Variants in TLE3 observed in about 807,000 individuals in gnomAD.
TLE3 encodes transducin-like enhancer protein 3.
TLE3 carries 14 observed loss-of-function variants against 93.0 expected under a neutral mutation model. The ratio of observed to expected loss-of-function variants is 0.15; its 90% CI spans 0.10 to 0.24. The LOEUF (loss-of-function observed/expected upper bound fraction) is 0.24. Among genes scored for constraint, TLE3 ranks in the 10% least tolerant of loss-of-function variants. TLE3 has a pLI of 1.00. For missense variants in TLE3, 693 were observed against 1,046.6 expected (o/e 0.66, Z 4.66); for synonymous variants, 451 against 425.0 (o/e 1.06, Z -0.75).
chr15:70,096,685 T>A, intron 1 of TLE3, 90 bp downstream of exon 1: 1 of 1,569,222 alleles, frequency 6.4e-7, no homozygotes, highest in East Asian at 2.4e-5. Context: ...ACCATAAAGG[T>A]AGCAACAAGC....
Position 70,095,606 on chromosome 15 carries a change from T to C in TLE3, c.161A>G (p.Lys54Arg), listed in dbSNP as rs1052664727. Residue 54 changes from lysine (K) to arginine (R), a missense_variant, in exon 3 of 20, where the codon AAG becomes AGG. Transcript: ENST00000451782. ...KVEYDKLANEKTEMQRHYVMY... is the reference protein window; with the variant it reads ...KVEYDKLANERTEMQRHYVMY... The stretch of plus-strand genomic sequence containing the variant: ...CACATAATGGCGCTGCATCTCCGTC[T>C]TCTCGTTTGCCAGCTTGTCGTACTC... 1.3e-6 allele frequency: 2 copies of C among 1,551,594 alleles called. No homozygotes were observed. The highest frequency in any genetic ancestry group is 1.7e-6 in the Non-Finnish European group (2 of 1,146,920).
chr15:70,082,051 G>A (rs933994263), intron 4 of TLE3, among the ~76,000 whole-genome samples: 1 of 152,198 alleles, frequency 6.6e-6, no homozygotes, highest in Admixed American at 6.5e-5. Flanking sequence ...GGAAAGGCTG[G>A]GGTGGGAGGC....
intron 6 of TLE3, among the ~76,000 whole-genome samples, chr15:70,067,403 C>T (rs2056880132): frequency 1.3e-5 from 2 of 152,160 alleles, no homozygotes; most frequent in South Asian, 4.1e-4. Flanking sequence ...GGGGTTGTGG[C>T]CATTTAATAG....
intron 2 of TLE3, 197 bp from the exon 3 acceptor site, chr15:70,095,838 TC>T: frequency 1.5e-6 from 1 of 669,222 alleles, no homozygotes; most frequent in South Asian, 2.0e-5. Flanking sequence ...ATTCGAAACT[TC>T]CCGCGAGCCA....
rs570980600 is a variant in TLE3, at chr15:70,096,476, C to G, written c.25-215G>C. On this transcript the variant is annotated intron_variant, in intron 1 of 19. Coordinates refer to ENST00000451782, the MANE Select transcript of TLE3 (RefSeq NM_001105192.3). ...CTCCCATGCCTTTCACCAAGGGCCT[C>G]CCTCTCCCCAGTAAGGCGGGGGCGG... is the stretch of plus-strand genomic sequence containing the variant. 2.3e-5 allele frequency: 27 copies of G among 1,154,556 alleles called. No homozygotes were observed. The South Asian group carries it at 3.3e-4, about 14-fold the overall frequency. The allele number at this position is 1,154,556 out of a possible 1,614,324, so 71.5% of individuals were successfully genotyped here. A position where few individuals can be genotyped will look rare whatever the true frequency, so the allele number is the denominator to read the frequency against.
intron 14 of TLE3, chr15:70,055,853 C>T (rs1298367991): frequency 8.0e-6 from 2 of 251,226 alleles, no homozygotes; most frequent in Admixed American, 5.0e-5. Context: ...CTTTTAGTTT[C>T]CTAGCAACCC....
At chr15:70,091,917 C>T (rs1472550552) in intron 4 of TLE3, among the ~76,000 whole-genome samples, 3 of 152,176 alleles carry the variant, frequency 2.0e-5, no homozygotes, top group Non-Finnish European at 4.4e-5. Context: ...TGCCACACTT[C>T]CCAAGGTGCT....
intron 14 of TLE3, chr15:70,055,877 G>T (rs1180577160): frequency 5.7e-5 from 17 of 295,844 alleles, no homozygotes; most frequent in Non-Finnish European, 1.3e-5. Flanking sequence ...GAAGTGAAGG[G>T]CCGGGGAGAG....
At chr15:70,055,450 T>G in intron 14 of TLE3, 152 bp from the exon 15 acceptor site, 1 of 1,076,930 alleles carries the variant, frequency 9.3e-7, no homozygotes, top group Non-Finnish European at 1.3e-6. Flanking sequence ...TAACCCCATG[T>G]ACTGGGATGG....
intron 13 of TLE3, 125 bp from the exon 14 acceptor site, chr15:70,056,499 G>T: frequency 1.2e-6 from 1 of 827,114 alleles, no homozygotes; most frequent in Non-Finnish European, 1.9e-6. Flanking sequence ...CAAGAGACAA[G>T]CTGAGCAGAG....
intron 4 of TLE3, among the ~76,000 whole-genome samples, chr15:70,086,401 T>G (rs558183328): frequency 6.6e-6 from 1 of 152,202 alleles, no homozygotes; most frequent in Non-Finnish European, 1.5e-5. Context: ...AGGGAAAGAT[T>G]TGGGAAGTGG....
chr15:70,087,180 C>T (rs2058074822), intron 4 of TLE3, among the ~76,000 whole-genome samples: 1 of 152,108 alleles, frequency 6.6e-6, no homozygotes, highest in Non-Finnish European at 1.5e-5. Context: ...GGTTCAGGAC[C>T]CTTAGTGAAA....
In TLE3 at chr15:70,058,635, C is replaced by T. The variant is rs1162229622; in HGVS notation, c.918+28G>A. 1.3e-6 allele frequency: 2 copies of T among 1,558,732 alleles called. No homozygotes were observed. Among genetic ancestry groups the T allele is most frequent in the African/African-American group, 2.7e-5 (2 of 73,666 alleles). On this transcript the variant is annotated intron_variant, in intron 11 of 19. Coordinates refer to ENST00000451782, the MANE Select transcript of TLE3 (RefSeq NM_001105192.3). This position sits in a 1 kb window ranked among gnomAD's most constrained non-coding sequence, Gnocchi z 4.1. ...GCTCCAGTCCCTGCCGCTCCCTTCC[C>T]ACTCCCTTCCACCCAGACCCCACAT...
At chr15:70,050,266 G>A (rs1317046361) in intron 19 of TLE3, 62 bp from the exon 20 acceptor site, 1 of 1,319,130 alleles carries the variant, frequency 7.6e-7, no homozygotes, top group Non-Finnish European at 1.1e-6. Context: ...AAAAAAGACA[G>A]GAATTCATTT....
intron 4 of TLE3, 48 bp downstream of exon 4, chr15:70,094,484 T>G: frequency 7.1e-7 from 1 of 1,404,390 alleles, no homozygotes; most frequent in South Asian, 1.3e-5. Context: ...TCCACATATA[T>G]AAGTTTTTAA....
Position 70,054,610 on chromosome 15 carries a change from T to A in TLE3, c.1654A>T (p.Thr552Ser). 6.2e-7 allele frequency: 1 copy of A among 1,612,778 alleles called. No individual in the cohort carries two copies. Among genetic ancestry groups the A allele is most frequent in the Non-Finnish European group, 8.5e-7 (1 of 1,179,268 alleles). The change falls in exon 16 of 20, where the codon ACG (threonine) becomes TCG (serine). Residue 552 changes from threonine to serine, a missense_variant. By Grantham distance (58) the Thr-to-Ser change is moderately conservative. Around this residue, in one of 4 missense-constraint regions of TLE3, gnomAD observed 153 missense variants for 379.9 expected, o/e 0.40. Coordinates refer to ENST00000451782, the MANE Select transcript of TLE3 (RefSeq NM_001105192.3). ...RTLIVGGEAS[T>S]LTIWDLASPT... ...GAGGCCAGGTCCCAGATGGTGAGCG[T>A]GCTGGCCTCGCCGCCCACGATGAGC... is the stretch of plus-strand genomic sequence containing the variant.
At chr15:70,071,739 A>G (rs1328296444) in intron 6 of TLE3, among the ~76,000 whole-genome samples, 1 of 152,080 alleles carries the variant, frequency 6.6e-6, no homozygotes, top group Non-Finnish European at 1.5e-5. Flanking sequence ...AGCAAATCCA[A>G]CAGTGCAGTG....
chr15:70,064,199 C>T (rs990073609), intron 8 of TLE3, among the ~76,000 whole-genome samples: 1 of 152,218 alleles, frequency 6.6e-6, no homozygotes, highest in Non-Finnish European at 1.5e-5. Flanking sequence ...GACAGCAGCT[C>T]CCATTTTATG....
intron 16 of TLE3, 45 bp from the exon 17 acceptor site, chr15:70,053,419 G>A (rs2055723600): frequency 2.5e-6 from 4 of 1,570,560 alleles, no homozygotes; most frequent in Non-Finnish European, 2.6e-6. Flanking sequence ...GGGAACCACA[G>A]ACTGCCAGGT....
Sources: gnomAD v4.1 joint callset for allele counts (sites outside exome capture counted in the v4.1 genomes callset) on GRCh38, gnomAD v4.1.1 for gene constraint, gnomAD v4.1.1 regional missense constraint, Gnocchi (gnomAD v3.1) non-coding constraint, MANE v1.5 for transcripts, NCBI Gene and HGNC (gene_info 2026-07-23, HGNC 2026-07-21) for gene names.